The following PRKN variants were observed in gnomAD, a reference collection of about 807,000 sequenced individuals.
The protein encoded by PRKN is E3 ubiquitin-protein ligase parkin.
Under a neutral mutation model 59.5 loss-of-function variants are expected in PRKN, and 56 were observed. The ratio of observed to expected loss-of-function variants is 0.94; its 90% confidence interval spans 0.76 to 1.18. PRKN has a LOEUF of 1.18. Among genes scored for constraint, PRKN ranks in the 50% most tolerant of loss-of-function variants. The probability of loss-of-function intolerance (pLI) is 0.00; values close to 1 mark genes in which losing one functional copy is unlikely to be tolerated. For missense variants in PRKN, 657 were observed against 596.4 expected (o/e 1.10, Z -1.06); for synonymous variants, 250 against 222.1 (o/e 1.13, Z -1.12).
chr6:161,623,636 T>C (rs1782986688), intron 7 of PRKN, among the ~76,000 whole-genome samples: 1 of 152,232 alleles, frequency 6.6e-6, no homozygotes, highest in African/African-American at 2.4e-5. Flanking sequence ...TGCTTTTTAA[T>C]CTGAAAGTCA....
rs368533190 is a variant in PRKN at position 162,459,696 on chromosome 6, C to T, written c.8-16223G>A. Among the ~76,000 whole-genome samples the T allele has an allele frequency of 3.3e-5, 5 of 152,298 alleles. No individual in the cohort carries two copies. The South Asian group carries it at 1.0e-3, about 32-fold the overall frequency. ...GTTGTTATAAGTATGAAATGTCTGA[C>T]TACATGTAAAATTCTTAGATTAATG... On this transcript the variant is annotated intron_variant, in intron 1 of 11. Coordinates refer to ENST00000366898, the MANE Select transcript of PRKN (RefSeq NM_004562.3).
intron 2 of PRKN, among the ~76,000 whole-genome samples, chr6:162,386,727 G>A (rs909851223): frequency 1.5e-4 from 23 of 152,084 alleles, no homozygotes; most frequent in African/African-American, 4.6e-4. Flanking sequence ...CAGGTATAAG[G>A]GACAGAGACA....
At chr6:162,022,859 T>C (rs1783261737) in intron 5 of PRKN, among the ~76,000 whole-genome samples, 1 of 152,180 alleles carries the variant, frequency 6.6e-6, no homozygotes, top group Admixed American at 6.5e-5. Flanking sequence ...GCGTTCCAGT[T>C]TCACTTATCT....
At chr6:162,108,378 A>G (rs1780281363) in intron 4 of PRKN, among the ~76,000 whole-genome samples, 1 of 152,136 alleles carries the variant, frequency 6.6e-6, no homozygotes, top group African/African-American at 2.4e-5. Flanking sequence ...TAAATATTAC[A>G]TCTAGATCAT....
At chr6:161,481,638 C>A (rs74554460) in intron 9 of PRKN, among the ~76,000 whole-genome samples, 37 of 149,608 alleles carry the variant, frequency 2.5e-4, no homozygotes, top group Middle Eastern at 3.2e-3. Context: ...AACAAAAAAA[C>A]AAAAACAAAC....
At chr6:162,302,212 C>T (rs933198633) in intron 2 of PRKN, among the ~76,000 whole-genome samples, 13 of 152,174 alleles carry the variant, frequency 8.5e-5, no homozygotes, top group Non-Finnish European at 8.8e-5. Context: ...TGAAAGAGCA[C>T]GATAATCATC....
chr6:162,189,077 T>A (rs2128326016), intron 4 of PRKN, among the ~76,000 whole-genome samples: 1 of 152,016 alleles, frequency 6.6e-6, no homozygotes, highest in Non-Finnish European at 1.5e-5. Context: ...TCTAATTACC[T>A]TCTATAGGAG....
At chr6:162,541,358 G>A (rs945547524) in intron 1 of PRKN, among the ~76,000 whole-genome samples, 7 of 152,240 alleles carry the variant, frequency 4.6e-5, no homozygotes, top group African/African-American at 1.7e-4. Context: ...GATAACTGGG[G>A]AGAGCCATCC....
chr6:161,908,687 T>C (rs7767909), intron 6 of PRKN, among the ~76,000 whole-genome samples: 80,955 of 151,514 alleles, frequency 0.53, 21,606 homozygotes, highest in Middle Eastern at 0.65. Flanking sequence ...ACACCAGTTC[T>C]ATAATTTGGA....
intron 1 of PRKN, among the ~76,000 whole-genome samples, chr6:162,497,916 C>T (rs1409632653): frequency 1.3e-5 from 2 of 151,986 alleles, no homozygotes; most frequent in African/African-American, 2.4e-5. Flanking sequence ...TGAAATGTTC[C>T]CAACACAAAG....
rs555599086 is a variant in PRKN at position 161,468,566 on chromosome 6, G to T, written c.1083+80288C>A. On this transcript the variant is annotated intron_variant, in intron 9 of 11. Coordinates refer to ENST00000366898, the MANE Select transcript of PRKN (RefSeq NM_004562.3). The surrounding 1 kb of genome is among the most constrained non-coding windows in gnomAD (Gnocchi z 5.9). ...ATGCATTCATCCTTTACTGAAATCT[G>T]CCCAATGTCGTCTGCTATTATTTCA... is the stretch of plus-strand genomic sequence containing the variant. Among the ~76,000 whole-genome samples, 55 of 152,234 alleles carry T rather than the reference G, an allele frequency of 3.6e-4. No individual in the cohort carries two copies. The highest frequency in any genetic ancestry group is 1.3e-3 in the African/African-American group (55 of 41,536).
At chr6:162,337,942 T>C (rs1435319347) in intron 2 of PRKN, among the ~76,000 whole-genome samples, 2 of 152,096 alleles carry the variant, frequency 1.3e-5, no homozygotes, top group South Asian at 4.1e-4. Flanking sequence ...TGTTACATAA[T>C]ACACAATATT....
intron 7 of PRKN, among the ~76,000 whole-genome samples, chr6:161,743,825 C>T (rs1788300387): frequency 2.6e-5 from 4 of 152,208 alleles, no homozygotes; most frequent in South Asian, 4.1e-4. Context: ...CCAATTCTGA[C>T]AAAATAAATC....
At chr6:162,546,163 G>A (rs1779111079) in intron 1 of PRKN, among the ~76,000 whole-genome samples, 1 of 144,688 alleles carries the variant, frequency 6.9e-6, no homozygotes, top group Non-Finnish European at 1.5e-5. Flanking sequence ...GAGTGCAGTG[G>A]CGTGATCTCA....
chr6:161,820,907 AC>A (rs1791995449), intron 6 of PRKN, among the ~76,000 whole-genome samples: 1 of 151,834 alleles, frequency 6.6e-6, no homozygotes, highest in African/African-American at 2.4e-5. Context: ...TTTGGAAAAT[AC>A]CCCCAATATG....
chr6:161,703,859 T>C (rs1206017778), intron 7 of PRKN, among the ~76,000 whole-genome samples: 4 of 125,562 alleles, frequency 3.2e-5, no homozygotes, highest in South Asian at 2.8e-4. Flanking sequence ...TTTTTTTTTT[T>C]TTTTTTTTTT....
At chr6:162,348,298 C>A (rs1784487712) in intron 2 of PRKN, among the ~76,000 whole-genome samples, 1 of 152,206 alleles carries the variant, frequency 6.6e-6, no homozygotes, top group Non-Finnish European at 1.5e-5. Context: ...AACAACGTGA[C>A]CTGGAAGGAT....
chr6:162,070,224 T>C (rs1778516794), intron 4 of PRKN, among the ~76,000 whole-genome samples: 1 of 152,200 alleles, frequency 6.6e-6, no homozygotes, highest in South Asian at 2.1e-4. Flanking sequence ...ACTACTTGGG[T>C]ATATCTTGAT....
chr6:162,332,184 A>C (rs559750297), intron 2 of PRKN, among the ~76,000 whole-genome samples: 13 of 152,332 alleles, frequency 8.5e-5, no homozygotes, highest in Non-Finnish European at 1.8e-4. Flanking sequence ...TTCACATACA[A>C]GATTTCACAT....
Sources: allele counts gnomAD v4.1 joint callset (sites outside exome capture counted in the v4.1 genomes callset), GRCh38; gene constraint gnomAD v4.1.1; non-coding constraint Gnocchi (gnomAD v3.1); transcripts MANE v1.5; gene names NCBI Gene and HGNC (gene_info 2026-07-23, HGNC 2026-07-21).